ARSB: variants seen among roughly 807,000 people sequenced by gnomAD.
ARSB encodes arylsulfatase B.
Under a neutral mutation model 50.9 loss-of-function variants are expected in ARSB, and 41 were observed. The observed-to-expected ratio is 0.81, with a 90% CI of 0.63 to 1.04. The LOEUF (loss-of-function observed/expected upper bound fraction) is 1.04. Among genes scored for constraint, ARSB ranks in the 50% least tolerant of loss-of-function variants. ARSB has a pLI of 0.00. For synonymous variants in ARSB, 269 were observed against 284.8 expected (o/e 0.94, Z 0.56); for missense variants, 672 against 693.3 (o/e 0.97, Z 0.35).
At chr5:78,862,030 A>T (rs1353057549) in intron 5 of ARSB, among the ~76,000 whole-genome samples, 1 of 152,212 alleles carries the variant, frequency 6.6e-6, no homozygotes, top group Non-Finnish European at 1.5e-5. Flanking sequence ...TTCAAAGAGA[A>T]TAAAATACCT....
At position 78,885,822 on chromosome 5, in the gene ARSB, C is replaced by G. The variant is rs779378413; in HGVS notation, c.904G>C (p.Gly302Arg). The change falls in exon 5 of 8, where the codon GGA becomes CGA. Residue 302 changes from glycine to arginine, a missense_variant. Gly to Arg is a moderately radical substitution (Grantham distance 125). Coordinates refer to ENST00000264914, the MANE Select transcript of ARSB (RefSeq NM_000046.5). ...NTVFIFSTDN[G>R]GQTLAGGNNW... ...TTACCCCCTGCCAAAGTCTGCCCTC[C>G]GTTATCTGAAACACAGTAAGGTCTT... 3.1e-6 allele frequency: 5 copies of G among 1,613,998 alleles called. No homozygotes were observed. In the Admixed American group the frequency reaches 6.7e-5, roughly 22 times the overall value.
intron 6 of ARSB, among the ~76,000 whole-genome samples, chr5:78,782,529 C>G (rs67479954): frequency 5.1e-4 from 78 of 152,058 alleles, no homozygotes; most frequent in African/African-American, 3.6e-4. Context: ...GGGGTAAGAA[C>G]AAATTTGGTA....
At position 78,984,888 on chromosome 5, in the gene ARSB, C is replaced by T. The variant is rs930261319; in HGVS notation, c.312+49G>A. 3.9e-5 allele frequency: 49 copies of T among 1,255,584 alleles called. No individual in the cohort carries two copies. The African/African-American group carries it at 6.6e-4, about 17-fold the overall frequency. 77.8% of individuals were successfully genotyped at this position (1,255,584 alleles called of 1,614,324 possible). On this transcript the variant is annotated intron_variant, in intron 1 of 7. Transcript: ENST00000264914. ...GGGCCGGGTAGGAGCGGCAGGGCGCCGGCGAAAGGCGGGGCGGGGGCGGCG... is the reference window on the plus strand; with the variant it reads ...GGGCCGGGTAGGAGCGGCAGGGCGCTGGCGAAAGGCGGGGCGGGGGCGGCG...
At chr5:78,836,527 A>G (rs1744962016) in intron 6 of ARSB, among the ~76,000 whole-genome samples, 1 of 152,218 alleles carries the variant, frequency 6.6e-6, no homozygotes, top group South Asian at 2.1e-4. Flanking sequence ...CACATAATAC[A>G]TAGGAAACTG....
At chr5:78,980,196 T>C (rs898439508) in intron 1 of ARSB, among the ~76,000 whole-genome samples, 4 of 152,180 alleles carry the variant, frequency 2.6e-5, no homozygotes, top group African/African-American at 9.7e-5. Flanking sequence ...AACCATTGAA[T>C]TGGATACTTT....
At position 78,977,721 on chromosome 5, in the gene ARSB, A is replaced by G. The variant is rs533465912; in HGVS notation, c.312+7216T>C. Among the ~76,000 whole-genome samples the G allele has an allele frequency of 9.2e-5, 14 of 152,260 alleles. No homozygotes were observed. In the East Asian group the frequency reaches 2.7e-3, roughly 29 times the overall value. ...GAGGTCCTATCCAGGGTAATTAGGC[A>G]AGACAATGAAATAAAAGGTATCTAG... On this transcript the variant is annotated intron_variant, in intron 1 of 7. Transcript: ENST00000264914.
chr5:78,786,752 G>A (rs893570273), intron 6 of ARSB, among the ~76,000 whole-genome samples: 5 of 151,926 alleles, frequency 3.3e-5, no homozygotes, highest in African/African-American at 7.3e-5. Flanking sequence ...CCAGAATAGC[G>A]GGGACTACAG....
intron 3 of ARSB, among the ~76,000 whole-genome samples, chr5:78,962,523 G>T (rs1479127210): frequency 5.6e-5 from 5 of 89,382 alleles, no homozygotes; most frequent in Admixed American, 1.3e-4. Flanking sequence ...ACATGTGCTC[G>T]ATTTTTTTTT....
intron 1 of ARSB, among the ~76,000 whole-genome samples, chr5:78,972,543 A>ACACACACACACACACACCCC (rs1361695118): frequency 4.7e-5 from 7 of 150,302 alleles, no homozygotes; most frequent in African/African-American, 1.7e-4. Flanking sequence ...ACACACACAC[A>ACACACACACACACACACCCC]CCCCAAATCA....
chr5:78,968,231 A>G (rs987586005), intron 2 of ARSB, among the ~76,000 whole-genome samples: 1 of 101,870 alleles, frequency 9.8e-6, no homozygotes, highest in African/African-American at 3.7e-5. Flanking sequence ...CACCCCCTTC[A>G]AAAAAAAAGG....
At chr5:78,862,122 A>G (rs1746467704) in intron 5 of ARSB, among the ~76,000 whole-genome samples, 1 of 152,230 alleles carries the variant, frequency 6.6e-6, no homozygotes, top group African/African-American at 2.4e-5. Flanking sequence ...AAGAGGACAC[A>G]AACAAATGGG....
chr5:78,983,411 G>T (rs1193812361), intron 1 of ARSB, among the ~76,000 whole-genome samples: 1 of 152,188 alleles, frequency 6.6e-6, no homozygotes, highest in Non-Finnish European at 1.5e-5. Flanking sequence ...TGGAAGGGAG[G>T]AAGTTGGAGA....
chr5:78,914,955 C>T (rs1356141181), intron 4 of ARSB, among the ~76,000 whole-genome samples: 1 of 152,208 alleles, frequency 6.6e-6, no homozygotes, highest in Non-Finnish European at 1.5e-5. Context: ...AGCCACCACA[C>T]CTGGCCTCAT....
At chr5:78,831,947 T>C (rs1213154499) in intron 6 of ARSB, among the ~76,000 whole-genome samples, 1 of 152,108 alleles carries the variant, frequency 6.6e-6, no homozygotes, top group Non-Finnish European at 1.5e-5. Flanking sequence ...ATTAGACTGA[T>C]TCTAATCGAA....
At chr5:78,925,411 T>C (rs74521820) in intron 4 of ARSB, among the ~76,000 whole-genome samples, 1,610 of 152,304 alleles carry the variant, frequency 0.011, 41 homozygotes, top group East Asian at 0.073. Flanking sequence ...GCAGTGGGAA[T>C]GTGATAATGA....
intron 4 of ARSB, among the ~76,000 whole-genome samples, chr5:78,927,494 G>C (rs78631604): frequency 0.016 from 2,483 of 152,224 alleles, 29 homozygotes; most frequent in Non-Finnish European, 0.026. Context: ...TAATTTATGA[G>C]TAGATAAAGT....
At chr5:78,864,988 C>A (rs1746640010) in intron 5 of ARSB, among the ~76,000 whole-genome samples, 1 of 152,208 alleles carries the variant, frequency 6.6e-6, no homozygotes, top group Non-Finnish European at 1.5e-5. Context: ...CAACCTCCCT[C>A]CTGGCTGCTT....
intron 3 of ARSB, among the ~76,000 whole-genome samples, chr5:78,963,933 A>T (rs772573869): frequency 6.6e-6 from 1 of 152,204 alleles, no homozygotes; most frequent in Non-Finnish European, 1.5e-5. Context: ...AGGAAGTACA[A>T]GGTTAGAGGA....
chr5:78,923,193 C>T (rs1412156157), intron 4 of ARSB, among the ~76,000 whole-genome samples: 2 of 152,244 alleles, frequency 1.3e-5, no homozygotes, highest in African/African-American at 2.4e-5. Context: ...GTGGCTCATG[C>T]TCCATCTCAC....
Sources: gnomAD v4.1 joint callset for allele counts (sites outside exome capture counted in the v4.1 genomes callset) on GRCh38, gnomAD v4.1.1 for gene constraint, MANE v1.5 for transcripts, NCBI Gene and HGNC (gene_info 2026-07-23, HGNC 2026-07-21) for gene names.